Variants in TSPAN15 observed in about 807,000 individuals in gnomAD.
TSPAN15 encodes tetraspanin 15.
A neutral mutation model predicts 34.5 loss-of-function variants in TSPAN15; 20 were observed. The observed-to-expected ratio is 0.58, with a 90% CI of 0.41 to 0.84. TSPAN15 has a LOEUF of 0.84. Ranked by LOEUF, TSPAN15 falls within the 40% of genes least tolerant of loss-of-function variation. TSPAN15 has a pLI of 0.00. For synonymous variants in TSPAN15, 155 were observed against 153.9 expected (o/e 1.01, Z -0.05); for missense variants, 313 against 386.1 (o/e 0.81, Z 1.59).
the TSPAN15 span, among the ~76,000 whole-genome samples, chr10:69,515,159 T>C: frequency 1.3e-5 from 2 of 152,228 alleles, no homozygotes; most frequent in Non-Finnish European, 2.9e-5. Flanking sequence ...AGACCAACCT[T>C]GCCTAGTTTT....
the TSPAN15 span, among the ~76,000 whole-genome samples, chr10:69,540,423 G>A: frequency 1.3e-5 from 2 of 152,172 alleles, no homozygotes; most frequent in Non-Finnish European, 2.9e-5. Context: ...AAAAAGAGGA[G>A]GATGGGTATT....
chr10:69,543,436 A>C, the TSPAN15 span, among the ~76,000 whole-genome samples: 1 of 152,172 alleles, frequency 6.6e-6, no homozygotes, highest in Non-Finnish European at 1.5e-5. Flanking sequence ...CTTAAAATCA[A>C]ATTCGTCCAC....
chr10:69,526,693 G>T, the TSPAN15 span, among the ~76,000 whole-genome samples: 1 of 142,880 alleles, frequency 7.0e-6, no homozygotes, highest in Non-Finnish European at 1.5e-5. Flanking sequence ...AGAAGACTGA[G>T]ATGGGAGGAT....
At chr10:69,464,008 A>G (rs1188033553) in intron 1 of TSPAN15, among the ~76,000 whole-genome samples, 1 of 152,218 alleles carries the variant, frequency 6.6e-6, no homozygotes, top group Non-Finnish European at 1.5e-5. Flanking sequence ...TATGAGACGG[A>G]CAGAAGAGGA....
rs1564614657 is a variant in TSPAN15, at chr10:69,498,365, G to T, written c.539G>T (p.Gly180Val). Residue 180 changes from glycine (G) to valine (V), a missense_variant, in exon 5 of 8, where the codon GGG becomes GTG. Coordinates refer to ENST00000373290, the MANE Select transcript of TSPAN15 (RefSeq NM_012339.5). ...DCSAPGPLAC[G>V]VPYTCCIRNT... The stretch of plus-strand genomic sequence containing the variant: ...AGTGCCCCTGGACCCCTGGCCTGTG[G>T]GGTGCCCTACACCTGCTGCATCAGG... 6.2e-7 allele frequency: 1 copy of T among 1,613,896 alleles called. No individual in the cohort carries two copies. Among genetic ancestry groups the T allele is most frequent in the Non-Finnish European group, 8.5e-7 (1 of 1,179,986 alleles).
Position 69,506,981 on chromosome 10 carries a change from C to A in TSPAN15, c.*3C>A. ...GCTGCTTGTGCTACCCCAATTAGGG[C>A]CCAGCCTGCCATGGCAGCTCCAACA... On this transcript the variant is annotated 3_prime_UTR_variant, in exon 8 of 8. Transcript: ENST00000373290. This position sits in a 1 kb window ranked among gnomAD's most constrained non-coding sequence, Gnocchi z 4.7. 1 of 1,607,414 alleles carries A rather than the reference C, an allele frequency of 6.2e-7. No homozygotes were observed. The highest frequency in any genetic ancestry group is 8.5e-7 in the Non-Finnish European group (1 of 1,177,898).
intron 3 of TSPAN15, among the ~76,000 whole-genome samples, chr10:69,493,621 C>T (rs1216408554): frequency 4.6e-5 from 7 of 152,066 alleles, no homozygotes; most frequent in African/African-American, 1.4e-4. Context: ...TACAGGCGCA[C>T]GCTGCCACGC....
At chr10:69,536,680 C>T in the TSPAN15 span, among the ~76,000 whole-genome samples, 1 of 152,134 alleles carries the variant, frequency 6.6e-6, no homozygotes, top group African/African-American at 2.4e-5. Context: ...ATGTCTCTCT[C>T]TTCTTATAAG....
intron 1 of TSPAN15, 56 bp from the exon 2 acceptor site, chr10:69,483,635 C>T (rs1388158349): frequency 1.3e-6 from 2 of 1,561,554 alleles, no homozygotes; most frequent in Non-Finnish European, 1.7e-6. Flanking sequence ...TGACTCTTTG[C>T]TGTAGAAAAT....
rs1292819470 is a variant in TSPAN15 at position 69,483,671 on chromosome 10, CCT to C, written c.97-17_97-16del. 2.5e-6 allele frequency: 4 copies of C among 1,609,370 alleles called. No homozygotes were observed. Among genetic ancestry groups the C allele is most frequent in the Middle Eastern group, 1.7e-4 (1 of 6,026 alleles). On this transcript the variant is annotated intron_variant, in intron 1 of 7. Coordinates refer to ENST00000373290, the MANE Select transcript of TSPAN15 (RefSeq NM_012339.5). ...CAAGTGACCTCAGTCTCTCTCTCACCCTCTGTTTTCTTGCTGCAGCTGATTGG... is the reference window on the plus strand; with the variant it reads ...CAAGTGACCTCAGTCTCTCTCTCACCCTGTTTTCTTGCTGCAGCTGATTGG...
At chr10:69,484,578 A>G (rs934820406) in intron 2 of TSPAN15, among the ~76,000 whole-genome samples, 19 of 152,208 alleles carry the variant, frequency 1.2e-4, no homozygotes, top group African/African-American at 4.3e-4. Context: ...GGAAGCCCCT[A>G]CGATCCACTG....
chr10:69,527,517 C>T, the TSPAN15 span, among the ~76,000 whole-genome samples: 1 of 146,720 alleles, frequency 6.8e-6, no homozygotes, highest in African/African-American at 2.5e-5. Flanking sequence ...ATCACTTGAA[C>T]CCAGGAGGCA....
intron 1 of TSPAN15, among the ~76,000 whole-genome samples, chr10:69,480,493 G>C (rs905708868): frequency 1.3e-5 from 2 of 152,136 alleles, no homozygotes; most frequent in Non-Finnish European, 2.9e-5. Flanking sequence ...CTACCTTCCA[G>C]TACCCGAGTC....
the TSPAN15 span, among the ~76,000 whole-genome samples, chr10:69,548,902 A>G: frequency 3.5e-3 from 539 of 151,992 alleles, 1 homozygote; most frequent in African/African-American, 0.012. Flanking sequence ...GAAAGATTCT[A>G]GAAGGGTCAT....
chr10:69,545,425 A>G, the TSPAN15 span, among the ~76,000 whole-genome samples: 1 of 152,194 alleles, frequency 6.6e-6, no homozygotes, highest in Non-Finnish European at 1.5e-5. Context: ...GGGCACCCCT[A>G]AGTCCTCAGC....
the TSPAN15 span, among the ~76,000 whole-genome samples, chr10:69,525,836 T>G: frequency 7.6e-6 from 1 of 131,892 alleles, no homozygotes; most frequent in Non-Finnish European, 1.6e-5. Flanking sequence ...AAAAAAAAAC[T>G]ATTCAACCTA....
At chr10:69,459,563 G>A (rs1334319865) in intron 1 of TSPAN15, among the ~76,000 whole-genome samples, 1 of 152,066 alleles carries the variant, frequency 6.6e-6, no homozygotes, top group East Asian at 1.9e-4. Flanking sequence ...AGAGCCATGA[G>A]TTCAAAGTCC....
intron 1 of TSPAN15, among the ~76,000 whole-genome samples, chr10:69,459,927 C>A (rs1014287474): frequency 3.7e-5 from 5 of 133,456 alleles, no homozygotes; most frequent in Non-Finnish European, 6.8e-5. Flanking sequence ...GGCACCCCCC[C>A]CCCACGAATG....
Position 69,464,820 on chromosome 10 carries a change from A to G in TSPAN15, c.96+13130A>G, listed in dbSNP as rs577642471. Among the ~76,000 whole-genome samples, 10 of 152,298 alleles carry G rather than the reference A, an allele frequency of 6.6e-5. No individual in the cohort carries two copies. The South Asian group carries it at 2.1e-3, about 32-fold the overall frequency. ...GTTCTGAAACTCTGCCAATGGGACA[A>G]TCTCTAGTGTGCAGGGGGGACAATG... On this transcript the variant is annotated intron_variant, in intron 1 of 7. Transcript: ENST00000373290.
Sources: gnomAD v4.1 joint callset for allele counts (sites outside exome capture counted in the v4.1 genomes callset) on GRCh38, gnomAD v4.1.1 for gene constraint, Gnocchi (gnomAD v3.1) non-coding constraint, MANE v1.5 for transcripts, NCBI Gene and HGNC (gene_info 2026-07-23, HGNC 2026-07-21) for gene names.